SLC39A8: variants seen among roughly 807,000 people sequenced by gnomAD.
The protein encoded by SLC39A8 is metal cation symporter ZIP8.
Under a neutral mutation model 40.4 loss-of-function variants are expected in SLC39A8, and 15 were observed. That is an observed-to-expected ratio of 0.37 (90% CI 0.25 to 0.57). The LOEUF is 0.57. Ranked by LOEUF, SLC39A8 falls within the 20% of genes least tolerant of loss-of-function variation. The pLI is 0.75. For missense variants in SLC39A8, 472 were observed against 558.8 expected (o/e 0.84, Z 1.57); for synonymous variants, 223 against 221.6 (o/e 1.01, Z -0.06).
chr4:102,321,070 T>C (rs955443252), intron 2 of SLC39A8, among the ~76,000 whole-genome samples: 6 of 151,884 alleles, frequency 4.0e-5, no homozygotes, highest in African/African-American at 7.2e-5. Flanking sequence ...AGGAAGGAAA[T>C]AGTACAAAGA....
Position 102,261,698 on chromosome 4 carries a change from AC to A in SLC39A8, c.*1345del. 1 of 982,522 alleles carries A rather than the reference AC, an allele frequency of 1.0e-6. No homozygotes were observed. The highest frequency in any genetic ancestry group is 1.2e-6 in the Non-Finnish European group (1 of 826,728). 60.9% of individuals were successfully genotyped at this position (982,522 alleles called of 1,614,324 possible). On this transcript the variant is annotated 3_prime_UTR_variant, in exon 9 of 9. Coordinates refer to ENST00000356736, the MANE Select transcript of SLC39A8 (RefSeq NM_001135146.2). Reference sequence around the variant, plus strand: ...AAAAGGGTGTTTACTATTTGGCCAAACAATATTTTTTAATTGTCAGTCATAA... The same window carrying A: ...AAAAGGGTGTTTACTATTTGGCCAAAAATATTTTTTAATTGTCAGTCATAA...
intron 2 of SLC39A8, among the ~76,000 whole-genome samples, chr4:102,326,800 T>G (rs1253565774): frequency 1.4e-4 from 21 of 152,132 alleles, no homozygotes; most frequent in Admixed American, 1.4e-3. Flanking sequence ...AGCCCTTATG[T>G]ACCACTTCAC....
At chr4:102,271,736 T>C (rs10049581) in intron 6 of SLC39A8, among the ~76,000 whole-genome samples, 20,563 of 152,206 alleles carry the variant, frequency 0.14, 1,804 homozygotes, top group African/African-American at 0.23. Flanking sequence ...GCACCATCAT[T>C]CATGGACTTA....
chr4:102,297,840 G>A (rs1733747292), intron 6 of SLC39A8, among the ~76,000 whole-genome samples: 1 of 151,938 alleles, frequency 6.6e-6, no homozygotes, highest in Non-Finnish European at 1.5e-5. Context: ...ATCCCTTGAG[G>A]CTAAGGAGTT....
chr4:102,328,058 T>C (rs1226017039), intron 2 of SLC39A8, among the ~76,000 whole-genome samples: 1 of 152,230 alleles, frequency 6.6e-6, no homozygotes, highest in East Asian at 1.9e-4. Flanking sequence ...AAAAAATTCC[T>C]GGAAAGTTCA....
intron 11 of SLC39A8, among the ~76,000 whole-genome samples, chr4:102,256,549 T>C (rs1731712547): frequency 6.6e-6 from 1 of 152,218 alleles, no homozygotes; most frequent in African/African-American, 2.4e-5. Context: ...CCTAGATATT[T>C]TTCTCTGTAT....
chr4:102,305,133 T>C, intron 4 of SLC39A8, 22 bp from the exon 5 acceptor site: 2 of 1,596,312 alleles, frequency 1.3e-6, no homozygotes, highest in South Asian at 2.3e-5. Context: ...AAAAGGGCAA[T>C]TCAAGTAAAA....
At chr4:102,280,422 T>A (rs935788882) in intron 6 of SLC39A8, among the ~76,000 whole-genome samples, 3 of 152,204 alleles carry the variant, frequency 2.0e-5, no homozygotes, top group Non-Finnish European at 2.9e-5. Flanking sequence ...GAACTATATA[T>A]ACTGTTAAAT....
At position 102,321,315 on chromosome 4, in the gene SLC39A8, T is replaced by G. The variant is rs774214414; in HGVS notation, c.220-5485A>C. Among the ~76,000 whole-genome samples the G allele has an allele frequency of 3.3e-5, 5 of 152,160 alleles. No homozygotes were observed. In the East Asian group the frequency reaches 9.6e-4, roughly 29 times the overall value. On this transcript the variant is annotated intron_variant, in intron 2 of 8. Transcript: ENST00000356736. ...AAGAGGATGCTGCTACTGCTGTTGA[T>G]AGATGCAGGAGGCAGATAAAAGGGA... is the stretch of plus-strand genomic sequence containing the variant.
At chr4:102,298,571 C>G (rs1168205214) in intron 6 of SLC39A8, among the ~76,000 whole-genome samples, 1 of 151,992 alleles carries the variant, frequency 6.6e-6, no homozygotes, top group Non-Finnish European at 1.5e-5. Flanking sequence ...TGTTCAAGAA[C>G]TATATGATTT....
At chr4:102,267,330 A>C (rs1012164916) in intron 8 of SLC39A8, among the ~76,000 whole-genome samples, 160 bp downstream of exon 8, 8 of 152,258 alleles carry the variant, frequency 5.3e-5, no homozygotes, top group Admixed American at 1.3e-4. Context: ...AGTGTAAACT[A>C]CTCAAGTAGA....
intron 2 of SLC39A8, among the ~76,000 whole-genome samples, chr4:102,341,563 C>A (rs1052722958): frequency 5.9e-5 from 9 of 152,242 alleles, no homozygotes; most frequent in Admixed American, 3.3e-4. Context: ...CCCCAGAGAC[C>A]TATTTGGCTA....
Position 102,291,351 on chromosome 4 carries a change from C to T in SLC39A8, c.840+12966G>A, listed in dbSNP as rs559148010. ...CACACACACACACCACACAGCAACA[C>T]GTCCTAAATACACTTTGGACCTCTC... On this transcript the variant is annotated intron_variant, in intron 6 of 8. Transcript: ENST00000356736. Among the ~76,000 whole-genome samples, 12 of 151,956 alleles carry T rather than the reference C, an allele frequency of 7.9e-5. No homozygotes were observed. In the East Asian group the frequency reaches 9.7e-4, roughly 12 times the overall value.
At chr4:102,341,953 C>A (rs533496047) in intron 2 of SLC39A8, among the ~76,000 whole-genome samples, 3 of 152,226 alleles carry the variant, frequency 2.0e-5, no homozygotes, top group South Asian at 2.1e-4. Flanking sequence ...TTTTTCAAAG[C>A]CAAAAACCAG....
intron 6 of SLC39A8, among the ~76,000 whole-genome samples, chr4:102,278,581 C>A (rs1291827993): frequency 6.6e-6 from 1 of 151,008 alleles, no homozygotes. Context: ...GACAGTGTAG[C>A]AATTCCTCAA....
At chr4:102,294,344 C>T (rs941155380) in intron 6 of SLC39A8, among the ~76,000 whole-genome samples, 1 of 152,012 alleles carries the variant, frequency 6.6e-6, no homozygotes, top group Non-Finnish European at 1.5e-5. Context: ...GTCAGTTTAG[C>T]AAGAATCCCC....
intron 6 of SLC39A8, among the ~76,000 whole-genome samples, chr4:102,282,245 C>A (rs1479575521): frequency 2.0e-5 from 3 of 152,184 alleles, no homozygotes; most frequent in African/African-American, 7.2e-5. Context: ...ACTGTAGGCA[C>A]TCAGTGAGTG....
At chr4:102,342,290 C>A (rs1190547937) in intron 2 of SLC39A8, among the ~76,000 whole-genome samples, 1 of 152,160 alleles carries the variant, frequency 6.6e-6, no homozygotes, top group African/African-American at 2.4e-5. Flanking sequence ...CACCTGAGGT[C>A]GGGAGTTTGA....
At chr4:102,269,916 G>C (rs576966745) in intron 6 of SLC39A8, 2 of 151,928 alleles carry the variant, frequency 1.3e-5, no homozygotes, top group Admixed American at 1.3e-4. Context: ...TATCTTAAAC[G>C]CACAACACAA....
Sources: gnomAD v4.1 joint callset for allele counts (sites outside exome capture counted in the v4.1 genomes callset) on GRCh38, gnomAD v4.1.1 for gene constraint, MANE v1.5 for transcripts, NCBI Gene and HGNC (gene_info 2026-07-23, HGNC 2026-07-21) for gene names.